Variants in SDK1 observed in about 807,000 individuals in gnomAD.
The protein encoded by SDK1 is protein sidekick-1.
Under a neutral mutation model 245.5 loss-of-function variants are expected in SDK1, and 157 were observed. The observed-to-expected ratio is 0.64, with a 90% CI of 0.56 to 0.73. SDK1 has a LOEUF of 0.73. Ranked by LOEUF, SDK1 falls within the 30% of genes least tolerant of loss-of-function variation. SDK1 has a pLI of 0.00. For missense variants in SDK1, 3,583 were observed against 3,002.3 expected, an observed-to-expected ratio of 1.19 and a Z score of -4.52; for synonymous variants, 1,647 against 1,278.5, an observed-to-expected ratio of 1.29 and a Z score of -6.15.
At chr7:3,775,665 T>C (rs1472624986) in intron 4 of SDK1, among the ~76,000 whole-genome samples, 1 of 151,770 alleles carries the variant, frequency 6.6e-6, no homozygotes, top group Non-Finnish European at 1.5e-5. Context: ...CAAGCTCTGC[T>C]TCCCGGGTTC....
At chr7:3,970,553 G>C (rs1054107846) in intron 11 of SDK1, among the ~76,000 whole-genome samples, 2 of 152,230 alleles carry the variant, frequency 1.3e-5, no homozygotes, top group African/African-American at 4.8e-5. Flanking sequence ...CGATGACCTT[G>C]AGCAGTAGGA....
At chr7:3,409,297 GTTTTTTTT>G (rs5881980) in intron 1 of SDK1, among the ~76,000 whole-genome samples, 30 of 136,854 alleles carry the variant, frequency 2.2e-4, no homozygotes, top group African/African-American at 6.7e-4. Context: ...TTCTATTATG[GTTTTTTTT>G]TTTTTTTTGG....
chr7:4,206,568 A>G (rs1420236734), intron 36 of SDK1, among the ~76,000 whole-genome samples: 2 of 152,208 alleles, frequency 1.3e-5, no homozygotes, highest in Non-Finnish European at 2.9e-5. Context: ...TGGAGGGTCT[A>G]GAGATGGGGA....
At chr7:3,766,113 T>C (rs1168893618) in intron 4 of SDK1, among the ~76,000 whole-genome samples, 1 of 152,216 alleles carries the variant, frequency 6.6e-6, no homozygotes, top group Non-Finnish European at 1.5e-5. Flanking sequence ...TTTTTGGTGA[T>C]GAGTAGAAAC....
chr7:3,786,951 C>G (rs1045868800), intron 4 of SDK1, among the ~76,000 whole-genome samples: 3 of 151,980 alleles, frequency 2.0e-5, no homozygotes, highest in Non-Finnish European at 4.4e-5. Context: ...GATATCAAAG[C>G]AAATAGAAGA....
In SDK1 at chr7:3,654,297, A is replaced by G. The variant is rs575587065; in HGVS notation, c.713+12192A>G. 2.0e-5 allele frequency among the ~76,000 whole-genome samples: 3 copies of G among 152,144 alleles called. No individual in the cohort carries two copies. In the East Asian group the frequency reaches 5.8e-4, roughly 29 times the overall value. The stretch of plus-strand genomic sequence containing the variant: ...TCTGAACTGCTCTTATCCTGGGGCA[A>G]ATTAGTGTCCCTCAACGTGAGTAAG... On this transcript the variant is annotated intron_variant, in intron 4 of 44. Transcript: ENST00000404826.
At chr7:3,391,614 A>G (rs1471081523) in intron 1 of SDK1, among the ~76,000 whole-genome samples, 1 of 150,824 alleles carries the variant, frequency 6.6e-6, no homozygotes, top group African/African-American at 2.4e-5. Context: ...ATAAAAGTAT[A>G]TACATGTATC....
chr7:3,408,422 C>A (rs1779108615), intron 1 of SDK1, among the ~76,000 whole-genome samples: 1 of 152,034 alleles, frequency 6.6e-6, no homozygotes. Context: ...TATTATTAAT[C>A]CTGTTTAAAA....
intron 4 of SDK1, among the ~76,000 whole-genome samples, chr7:3,699,200 A>C (rs1410137057): frequency 6.6e-6 from 1 of 152,180 alleles, no homozygotes; most frequent in East Asian, 1.9e-4. Context: ...GATATCCCCT[A>C]ATGTCCAGGT....
intron 10 of SDK1, among the ~76,000 whole-genome samples, 166 bp from the exon 11 acceptor site, chr7:3,969,091 C>A (rs946798008): frequency 6.6e-6 from 1 of 152,234 alleles, no homozygotes; most frequent in Non-Finnish European, 1.5e-5. Context: ...AGGATCCAGT[C>A]ACCTCCCACC....
chr7:3,378,071 G>T (rs144290022), intron 1 of SDK1, among the ~76,000 whole-genome samples: 1 of 152,116 alleles, frequency 6.6e-6, no homozygotes, highest in Admixed American at 6.5e-5. Flanking sequence ...GAACCACTGC[G>T]CCGGCCCCCA....
chr7:4,025,676 C>T (rs993458286), intron 17 of SDK1, among the ~76,000 whole-genome samples: 3 of 152,168 alleles, frequency 2.0e-5, no homozygotes, highest in African/African-American at 7.2e-5. Context: ...AATGCCTGAC[C>T]TATAAGTAAA....
chr7:3,348,182 A>G (rs1444281587), intron 1 of SDK1, among the ~76,000 whole-genome samples: 2 of 152,138 alleles, frequency 1.3e-5, no homozygotes, highest in African/African-American at 4.8e-5. Context: ...TGCATAGCCC[A>G]GGCTTACTGC....
In SDK1 at chr7:3,507,591, T is replaced by C. The variant is rs1782432713; in HGVS notation, c.299-111489T>C. 2.0e-5 allele frequency among the ~76,000 whole-genome samples: 3 copies of C among 152,174 alleles called. No homozygotes were observed. In the South Asian group the frequency reaches 6.2e-4, roughly 32 times the overall value. On this transcript the variant is annotated intron_variant, in intron 1 of 44. Transcript: ENST00000404826. ...CTCTGTATTATTATTTAACCTGTTA[T>C]TTTATAGTCCATTAATGCAGAAATG...
At chr7:4,210,574 C>T (rs570520697) in intron 38 of SDK1, among the ~76,000 whole-genome samples, 14 of 152,276 alleles carry the variant, frequency 9.2e-5, no homozygotes, top group South Asian at 6.2e-4. Flanking sequence ...CCTTCGGCTA[C>T]CCTCAGCATC....
chr7:3,347,892 GTTT>G (rs10598226), intron 1 of SDK1, among the ~76,000 whole-genome samples: 34,509 of 149,460 alleles, frequency 0.23, 4,380 homozygotes, highest in African/African-American at 0.36. Flanking sequence ...CATTAAATAT[GTTT>G]TTTTTTTTTT....
In SDK1 at chr7:4,173,801, G is replaced by T. The variant is rs950470966; in HGVS notation, c.4801-421G>T. 3.3e-5 allele frequency among the ~76,000 whole-genome samples: 5 copies of T among 152,242 alleles called. 1 individual carries two copies. Among genetic ancestry groups the T allele is most frequent in the Non-Finnish European group, 7.4e-5 (5 of 68,016 alleles). ...CAGTACGGCAGCCACAGCCTGGATG[G>T]CCAGGGGAGTGAGGGAGGGTGGGGT... On this transcript the variant is annotated intron_variant, in intron 32 of 44. Transcript: ENST00000404826.
Position 3,591,682 on chromosome 7 carries a change from C to T in SDK1, c.299-27398C>T, listed in dbSNP as rs1780879757. Among the ~76,000 whole-genome samples, 4 of 152,132 alleles carry T rather than the reference C, an allele frequency of 2.6e-5. No homozygotes were observed. In the South Asian group the frequency reaches 8.3e-4, roughly 31 times the overall value. On this transcript the variant is annotated intron_variant, in intron 1 of 44. Coordinates refer to ENST00000404826, the MANE Select transcript of SDK1 (RefSeq NM_152744.4). The stretch of plus-strand genomic sequence containing the variant: ...GGAAGTGTTAATGATCACTGTGGGC[C>T]CATGGCCGCTGGAAGCTATTTGTAT...
intron 17 of SDK1, among the ~76,000 whole-genome samples, chr7:4,036,924 T>A (rs1208190390): frequency 6.6e-6 from 1 of 152,208 alleles, no homozygotes; most frequent in African/African-American, 2.4e-5. Context: ...GTTGGTATAC[T>A]TTTCACAGGT....
Sources: allele counts gnomAD v4.1 joint callset (sites outside exome capture counted in the v4.1 genomes callset), GRCh38; gene constraint gnomAD v4.1.1; transcripts MANE v1.5; gene names NCBI Gene and HGNC (gene_info 2026-07-23, HGNC 2026-07-21).